Variants in C17orf78 observed in about 807,000 individuals in gnomAD.
The protein encoded by C17orf78 is uncharacterized protein C17orf78.
C17orf78 carries 27 observed loss-of-function variants against 31.8 expected under a neutral mutation model. That is an observed-to-expected ratio of 0.85 (90% CI 0.63 to 1.17). The LOEUF is 1.17. Ranked by LOEUF, C17orf78 falls within the 50% of genes most tolerant of loss-of-function variation. C17orf78 has a pLI of 0.00. For synonymous variants in C17orf78, 106 were observed against 115.1 expected (o/e 0.92, Z 0.51); for missense variants, 258 against 315.2 (o/e 0.82, Z 1.37).
intron 1 of C17orf78, 131 bp from the exon 2 acceptor site, chr17:37,377,748 G>A: frequency 1.8e-6 from 1 of 545,322 alleles, no homozygotes; most frequent in Non-Finnish European, 3.2e-6. Flanking sequence ...CAAGTTGCAA[G>A]TTTTATGAGC....
At chr17:37,391,437 T>C (rs1376235693) in intron 6 of C17orf78, among the ~76,000 whole-genome samples, 1 of 152,124 alleles carries the variant, frequency 6.6e-6, no homozygotes, top group East Asian at 1.9e-4. Flanking sequence ...ACTTTGCTAG[T>C]GGGTTATAGG....
chr17:37,390,175 T>TATATATATATATATAC (rs60788220), intron 6 of C17orf78, among the ~76,000 whole-genome samples: 4 of 44,510 alleles, frequency 9.0e-5, no homozygotes, highest in African/African-American at 4.7e-4. Flanking sequence ...TATATATATA[T>TATATATATATATATAC]ACACACACAC....
intron 4 of C17orf78, chr17:37,386,752 A>G (rs975672852): frequency 6.6e-6 from 1 of 152,202 alleles, no homozygotes; most frequent in Non-Finnish European, 1.5e-5. Context: ...TAACCACTGT[A>G]TGTATAGATG....
chr17:37,389,226 C>A lies in C17orf78; in HGVS notation c.634-20C>A. 1 of 1,561,974 alleles carries A rather than the reference C, an allele frequency of 6.4e-7. No individual in the cohort carries two copies. Among genetic ancestry groups the A allele is most frequent in the Non-Finnish European group, 8.7e-7 (1 of 1,153,168 alleles). On this transcript the variant is annotated intron_variant, in intron 5 of 6. Transcript: ENST00000615133. ...CTTACCAGCCACTTCATATTAATAC[C>A]AGTCATTTTCTCCCTTCAGTATCAA...
chr17:37,378,006 CA>C, intron 2 of C17orf78, 41 bp downstream of exon 2: 2 of 1,573,392 alleles, frequency 1.3e-6, no homozygotes, highest in Non-Finnish European at 8.7e-7. Flanking sequence ...ATTGCCATTC[CA>C]AAAAATTTTT....
chr17:37,376,337 T>C (rs1007056791), intron 1 of C17orf78, among the ~76,000 whole-genome samples, 187 bp downstream of exon 1: 5 of 152,228 alleles, frequency 3.3e-5, no homozygotes, highest in Non-Finnish European at 7.3e-5. Context: ...GATAGCTGTC[T>C]GTTTCATGAT....
At chr17:37,381,356 C>T (rs975869741) in intron 3 of C17orf78, among the ~76,000 whole-genome samples, 3 of 151,028 alleles carry the variant, frequency 2.0e-5, no homozygotes, top group Admixed American at 6.6e-5. Context: ...CAGTGAATTT[C>T]TGTATTTTTA....
At chr17:37,388,344 G>A (rs2050639818) in intron 4 of C17orf78, among the ~76,000 whole-genome samples, 1 of 152,158 alleles carries the variant, frequency 6.6e-6, no homozygotes, top group Non-Finnish European at 1.5e-5. Flanking sequence ...AGTAAAAGAA[G>A]TTTAGAGCTC....
chr17:37,390,635 A>AG (rs1295612912), intron 6 of C17orf78, among the ~76,000 whole-genome samples: 1 of 149,562 alleles, frequency 6.7e-6, no homozygotes. Context: ...TCAAAAAGAG[A>AG]GAAAAAAAAA....
At chr17:37,380,088 T>C (rs554695531) in intron 3 of C17orf78, among the ~76,000 whole-genome samples, 96 of 152,106 alleles carry the variant, frequency 6.3e-4, no homozygotes, top group African/African-American at 2.2e-3. Context: ...TGGAATACTA[T>C]GCAGCCATAA....
rs769389552 is a variant in C17orf78 at position 37,379,318 on chromosome 17, C to T, written c.327C>T (p.Ala109=). 2 of 1,613,966 alleles carry T rather than the reference C, an allele frequency of 1.2e-6. No individual in the cohort carries two copies. The change falls in exon 3 of 7, where the codon GCC becomes GCT. Residue 109 remains alanine, a synonymous_variant. Transcript: ENST00000615133. The stretch of plus-strand genomic sequence containing the variant: ...CTGCTCCCCGCAGAAACAGCTCTGC[C>T]TCCTCAAGCTGTCACCTAATCCCCA... ...IIAAPRRNSS[A]SSSCHLIPTS... is the part of the protein sequence containing the mutation.
chr17:37,379,192 C>G lies in C17orf78; in HGVS notation c.201C>G (p.Thr67=). The change falls in exon 3 of 7, where the codon ACC becomes ACG. Residue 67 remains threonine (T), a synonymous_variant. Coordinates refer to ENST00000615133, the MANE Select transcript of C17orf78 (RefSeq NM_173625.5). ...TTFIQNRTIA[T]LQCLGSDSKV... ...TCATTCAAAACCGGACTATAGCTAC[C>G]CTGCAGTGCCTTGGCTCTGACAGCA... The G allele has an allele frequency of 6.2e-7, 1 of 1,613,960 alleles. No individual in the cohort carries two copies. The highest frequency in any genetic ancestry group is 1.3e-5 in the African/African-American group (1 of 75,030).
intron 4 of C17orf78, among the ~76,000 whole-genome samples, 160 bp from the exon 5 acceptor site, chr17:37,388,510 C>G (rs1048428871): frequency 2.6e-5 from 4 of 151,788 alleles, no homozygotes; most frequent in Admixed American, 1.3e-4. Flanking sequence ...CCTCACACCC[C>G]CTCCAGCCCT....
At chr17:37,390,204 T>TAA (rs1483371715) in intron 6 of C17orf78, among the ~76,000 whole-genome samples, 48 of 82,512 alleles carry the variant, frequency 5.8e-4, no homozygotes, top group Middle Eastern at 5.1e-3. Flanking sequence ...TAAATATATA[T>TAA]AATTATATAT....
chr17:37,379,030 A>T, intron 2 of C17orf78, 107 bp from the exon 3 acceptor site: 1 of 1,336,958 alleles, frequency 7.5e-7, no homozygotes, highest in Non-Finnish European at 1.0e-6. Context: ...CATGATTGCG[A>T]CACTGCACTC....
chr17:37,376,168 C>T lies in C17orf78; in HGVS notation c.58+18C>T, dbSNP rs751174928. 5.6e-6 allele frequency: 9 copies of T among 1,597,882 alleles called. No homozygotes were observed. Among genetic ancestry groups the T allele is most frequent in the Non-Finnish European group, 7.7e-6 (9 of 1,165,492 alleles). On this transcript the variant is annotated intron_variant, in intron 1 of 6. Transcript: ENST00000615133. ...CAAGAAAGGTATGTAATTCTCTAGC[C>T]TAATCTCCTGGAAAATACAGAGAGA... is the stretch of plus-strand genomic sequence containing the variant.
rs1263331366 is a variant in C17orf78, at chr17:37,381,768, C to T, written c.391+2386C>T. On this transcript the variant is annotated intron_variant, in intron 3 of 6. Coordinates refer to ENST00000615133, the MANE Select transcript of C17orf78 (RefSeq NM_173625.5). Reference sequence around the variant, plus strand: ...TCAGCCTCCCGAGTAGCTGGGACTACAGGCACTCGCCACCACACCCAGTTA... The same window carrying T: ...TCAGCCTCCCGAGTAGCTGGGACTATAGGCACTCGCCACCACACCCAGTTA... Among the ~76,000 whole-genome samples, 11 of 151,736 alleles carry T rather than the reference C, an allele frequency of 7.2e-5. No individual in the cohort carries two copies. The South Asian group carries it at 1.5e-3, about 20-fold the overall frequency.
At position 37,378,070 on chromosome 17, in the gene C17orf78, CTATTT is replaced by C. The variant is rs2050085675; in HGVS notation, c.145+108_145+112del. The stretch of plus-strand genomic sequence containing the variant: ...CTTCCTAGCCCATATCTCAAATATC[CTATTT>C]TAAGGATATGTATCCTCCCAGGGGG... On this transcript the variant is annotated intron_variant, in intron 2 of 6. Coordinates refer to ENST00000615133, the MANE Select transcript of C17orf78 (RefSeq NM_173625.5). 1.6e-5 allele frequency: 17 copies of C among 1,075,072 alleles called. No homozygotes were observed. In the East Asian group the frequency reaches 4.4e-4, roughly 28 times the overall value. 66.6% of individuals were successfully genotyped at this position (1,075,072 alleles called of 1,614,324 possible).
At chr17:37,381,552 C>T (rs547546989) in intron 3 of C17orf78, among the ~76,000 whole-genome samples, 46 of 151,760 alleles carry the variant, frequency 3.0e-4, no homozygotes, top group African/African-American at 1.1e-3. Flanking sequence ...TATATATTTA[C>T]CCCATACTTT....
Sources: allele counts gnomAD v4.1 joint callset (sites outside exome capture counted in the v4.1 genomes callset), GRCh38; gene constraint gnomAD v4.1.1; transcripts MANE v1.5; gene names NCBI Gene and HGNC (gene_info 2026-07-23, HGNC 2026-07-21).